Variants in APLF observed in about 807,000 individuals in gnomAD.
The protein encoded by APLF is aprataxin and PNKP like factor.
Under a neutral mutation model 55.6 loss-of-function variants are expected in APLF, and 61 were observed. The ratio of observed to expected loss-of-function variants is 1.10; its 90% CI spans 0.89 to 1.36. APLF has a LOEUF of 1.36. APLF is among the 40% of genes most tolerant of loss of function. APLF has a pLI of 0.00. For missense variants in APLF, 611 were observed against 602.5 expected (o/e 1.01, Z -0.15); for synonymous variants, 207 against 214.8 (o/e 0.96, Z 0.32).
In APLF at chr2:68,529,170, G is replaced by T. The variant is rs186441988; in HGVS notation, c.804+2928G>T. ...AGCACGGGTTTCTTCCTTGAGGGGG[G>T]GCTCCAGACAACAGGAGGCAGGACC... On this transcript the variant is annotated intron_variant, in intron 6 of 9. Transcript: ENST00000303795. The surrounding 1 kb of genome is among the most constrained non-coding windows in gnomAD (Gnocchi z 4.4). The T allele has an allele frequency of 0.018, 23,295 of 1,292,714 alleles. 366 individuals carry two copies. The highest frequency in any genetic ancestry group is 0.046 in the South Asian group (3,294 of 71,086). 80.1% of individuals were successfully genotyped at this position (1,292,714 alleles called of 1,614,324 possible).
intron 1 of APLF, among the ~76,000 whole-genome samples, chr2:68,470,285 G>A (rs1292094908): frequency 6.6e-6 from 1 of 152,236 alleles, no homozygotes; most frequent in Non-Finnish European, 1.5e-5. Flanking sequence ...ATGGAGAACA[G>A]ATTAGTGGTT....
At chr2:68,528,564 G>A (rs1028720711) in intron 6 of APLF, 1 of 1,533,854 alleles carries the variant, frequency 6.5e-7, no homozygotes, top group African/African-American at 1.4e-5. Context: ...GGATCCTTGG[G>A]CTGCATGTCC....
intron 1 of APLF, among the ~76,000 whole-genome samples, chr2:68,468,045 C>G (rs1393650131): frequency 1.3e-5 from 2 of 152,234 alleles, no homozygotes; most frequent in Non-Finnish European, 2.9e-5. Context: ...CCATTATTAT[C>G]TTATCCAGGG....
chr2:68,557,136 G>C (rs1671039107), intron 8 of APLF, among the ~76,000 whole-genome samples: 1 of 152,094 alleles, frequency 6.6e-6, no homozygotes, highest in African/African-American at 2.4e-5. Flanking sequence ...ACCAAAATCT[G>C]GGGATGCTCA....
At chr2:68,540,118 C>T (rs1670506578) in intron 7 of APLF, among the ~76,000 whole-genome samples, 1 of 152,004 alleles carries the variant, frequency 6.6e-6, no homozygotes, top group Middle Eastern at 3.2e-3. Flanking sequence ...AGGTTTTAAG[C>T]CCCACATGCA....
At chr2:68,556,774 G>A (rs970764079) in intron 8 of APLF, among the ~76,000 whole-genome samples, 1 of 152,124 alleles carries the variant, frequency 6.6e-6, no homozygotes, top group Non-Finnish European at 1.5e-5. Context: ...AGAAGCTAGT[G>A]TCCTATTTTT....
chr2:68,494,475 A>T (rs1463230096), intron 2 of APLF, among the ~76,000 whole-genome samples: 1 of 151,824 alleles, frequency 6.6e-6, no homozygotes, highest in Non-Finnish European at 1.5e-5. Context: ...AGTGAGGGGA[A>T]GGTGCCACAC....
At chr2:68,513,350 TTTAAG>T in intron 4 of APLF, 123 bp downstream of exon 4, 1 of 1,313,972 alleles carries the variant, frequency 7.6e-7, no homozygotes, top group Non-Finnish European at 1.0e-6. Flanking sequence ...TTTTGCTGAT[TTTAAG>T]TTAAGCTCTA....
chr2:68,517,716 T>C (rs1485422295), intron 5 of APLF, among the ~76,000 whole-genome samples: 4 of 145,354 alleles, frequency 2.8e-5, no homozygotes, highest in Non-Finnish European at 6.0e-5. Flanking sequence ...ATATCACTAA[T>C]ATATGTTAAT....
intron 1 of APLF, among the ~76,000 whole-genome samples, chr2:68,478,844 A>T (rs1382402680): frequency 6.6e-6 from 1 of 152,234 alleles, no homozygotes; most frequent in Non-Finnish European, 1.5e-5. Context: ...TATGATTAGT[A>T]CTGCCCTTAT....
At chr2:68,481,509 G>A (rs573366286) in intron 1 of APLF, among the ~76,000 whole-genome samples, 1 of 151,538 alleles carries the variant, frequency 6.6e-6, no homozygotes, top group South Asian at 2.1e-4. Flanking sequence ...GTGACTTGAT[G>A]ATTTTTTCTT....
intron 5 of APLF, among the ~76,000 whole-genome samples, chr2:68,518,331 TTA>T (rs1173112721): frequency 8.8e-6 from 1 of 113,008 alleles, no homozygotes; most frequent in Non-Finnish European, 1.6e-5. Context: ...ATATAATATA[TTA>T]ATAAATAATT....
In APLF at chr2:68,578,598, A is replaced by C; in HGVS notation, c.*576A>C. On this transcript the variant is annotated 3_prime_UTR_variant, in exon 10 of 10. Coordinates refer to ENST00000303795, the MANE Select transcript of APLF (RefSeq NM_173545.3). ...CAAATGGGTACTGAAAATAGATTCA[A>C]CTAGGCTGTAGAAGAGAAATGTTCA... is the stretch of plus-strand genomic sequence containing the variant. 1 of 985,442 alleles carries C rather than the reference A, an allele frequency of 1.0e-6. No individual in the cohort carries two copies. Among genetic ancestry groups the C allele is most frequent in the Non-Finnish European group, 1.2e-6 (1 of 829,986 alleles). 61.0% of individuals were successfully genotyped at this position (985,442 alleles called of 1,614,324 possible).
chr2:68,473,439 T>A (rs1490788567), intron 1 of APLF, among the ~76,000 whole-genome samples: 4 of 152,206 alleles, frequency 2.6e-5, no homozygotes. Flanking sequence ...GTTTTAGTGA[T>A]CATGGATAAT....
At chr2:68,571,879 A>G (rs1477239123) in intron 9 of APLF, among the ~76,000 whole-genome samples, 1 of 152,156 alleles carries the variant, frequency 6.6e-6, no homozygotes, top group East Asian at 1.9e-4. Context: ...AAAGGAAATT[A>G]TCATCAATAT....
At chr2:68,519,786 A>G (rs1669840922) in intron 5 of APLF, among the ~76,000 whole-genome samples, 1 of 151,612 alleles carries the variant, frequency 6.6e-6, no homozygotes, top group Non-Finnish European at 1.5e-5. Flanking sequence ...ATGTATGTGT[A>G]GGTGTCTTTT....
intron 8 of APLF, among the ~76,000 whole-genome samples, chr2:68,559,970 A>G (rs1043496269): frequency 7.2e-5 from 11 of 152,166 alleles, no homozygotes; most frequent in Middle Eastern, 3.4e-3. Flanking sequence ...ATCAATCTTC[A>G]TTATGTTTTT....
intron 1 of APLF, among the ~76,000 whole-genome samples, chr2:68,478,147 C>T (rs780483706): frequency 6.1e-5 from 9 of 148,056 alleles, no homozygotes; most frequent in Non-Finnish European, 1.2e-4. Flanking sequence ...TCCCAAAAAG[C>T]AGAGAAAAAT....
intron 2 of APLF, among the ~76,000 whole-genome samples, chr2:68,501,283 T>C (rs1676712824): frequency 6.6e-6 from 1 of 152,204 alleles, no homozygotes; most frequent in Admixed American, 6.5e-5. Context: ...GTGTCTTTTT[T>C]GTGGTTGTTA....
Sources: gnomAD v4.1 joint callset for allele counts (sites outside exome capture counted in the v4.1 genomes callset) on GRCh38, gnomAD v4.1.1 for gene constraint, Gnocchi (gnomAD v3.1) non-coding constraint, MANE v1.5 for transcripts, NCBI Gene and HGNC (gene_info 2026-07-23, HGNC 2026-07-21) for gene names.